Variants in SEC24C observed in about 807,000 individuals in gnomAD.
SEC24C encodes SEC24 homolog C, COPII component, also known as protein transport protein Sec24C.
In SEC24C, 22 loss-of-function variants were observed where a neutral mutation model predicts 117.0. The observed-to-expected ratio is 0.19, with a 90% CI of 0.13 to 0.27. The LOEUF (loss-of-function observed/expected upper bound fraction) is 0.27. Among genes scored for constraint, SEC24C ranks in the 10% least tolerant of loss-of-function variants. SEC24C has a pLI of 1.00. For missense variants in SEC24C, 1,155 were observed against 1,375.1 expected (o/e 0.84, Z 2.53); for synonymous variants, 506 against 529.4 (o/e 0.96, Z 0.61).
chr10:73,767,860 T>C lies in SEC24C; in HGVS notation c.2034T>C (p.Gly678=), dbSNP rs760304318. 9.3e-6 allele frequency: 15 copies of C among 1,612,478 alleles called. 1 individual carries two copies. In the African/African-American group the frequency reaches 1.6e-4, roughly 17 times the overall value. Reference sequence around the variant, plus strand: ...AGACTCTGTTCCAGCCTCAGACAGGTGCCTATCAGACCCTGGCCAAAGAGT... The same window carrying C: ...AGACTCTGTTCCAGCCTCAGACAGGCGCCTATCAGACCCTGGCCAAAGAGT... The part of the protein sequence containing the change: ...KEKTLFQPQT[G]AYQTLAKECV... The change falls in exon 15 of 23, where the codon GGT becomes GGC. Residue 678 remains glycine, a synonymous_variant. Transcript: ENST00000345254.
intron 20 of SEC24C, 41 bp downstream of exon 20, chr10:73,770,056 A>G (rs757580176): frequency 1.3e-6 from 2 of 1,581,648 alleles, no homozygotes; most frequent in Non-Finnish European, 1.7e-6. Flanking sequence ...GCACGGAGCA[A>G]AGGGCCTCTT....
At chr10:73,747,601 C>G (rs1187474789) in intron 2 of SEC24C, among the ~76,000 whole-genome samples, 1 of 151,686 alleles carries the variant, frequency 6.6e-6, no homozygotes, top group Non-Finnish European at 1.5e-5. Flanking sequence ...ATCTGCCCGC[C>G]TCAGCCTCCC....
At position 73,769,923 on chromosome 10, in the gene SEC24C, A is replaced by G; in HGVS notation, c.2770A>G (p.Thr924Ala). The change falls in exon 20 of 23, where the codon ACT (threonine) becomes GCT (alanine). Residue 924 changes from threonine to alanine, a missense_variant. By Grantham distance (58) the Thr-to-Ala change is moderately conservative. Transcript: ENST00000345254. The surrounding 1 kb of genome is among the most constrained non-coding windows in gnomAD (Gnocchi z 4.5). ...SDVLQPGAEVTTDDRAYVRQL... is the reference protein window; with the variant it reads ...SDVLQPGAEVATDDRAYVRQL... ...TGTCCTGCAGCCTGGAGCTGAAGTC[A>G]CTACTGATGACCGTGCCTATGTCCG... is the stretch of plus-strand genomic sequence containing the variant. 1.2e-6 allele frequency: 2 copies of G among 1,614,162 alleles called. No individual in the cohort carries two copies. The highest frequency in any genetic ancestry group is 1.7e-6 in the Non-Finnish European group (2 of 1,180,016).
rs1376609553 is a variant in SEC24C, at chr10:73,768,851, T to C, written c.2223T>C (p.Arg741=). ...AGCGGTTCCTGAGTGACCTGCGTCG[T>C]GATGTCCAGAAGGTTGTTGGCTTTG... The part of the protein sequence containing the change: ...DQERFLSDLR[R]DVQKVVGFDA... Residue 741 remains arginine, a synonymous_variant, in exon 16 of 23, where the codon CGT becomes CGC. Coordinates refer to ENST00000345254, the MANE Select transcript of SEC24C (RefSeq NM_198597.3). The C allele has an allele frequency of 6.2e-7, 1 of 1,614,004 alleles. No individual in the cohort carries two copies. The highest frequency in any genetic ancestry group is 1.7e-5 in the Admixed American group (1 of 60,016).
Position 73,763,976 on chromosome 10 carries a change from C to A in SEC24C, c.1220C>A (p.Pro407Gln). The change falls in exon 8 of 23, where the codon CCA (proline) becomes CAA (glutamine). Residue 407 changes from proline (P) to glutamine (Q), a missense_variant. Around this residue, in one of 2 missense-constraint regions of SEC24C, gnomAD observed 759 missense variants for 992.3 expected, o/e 0.76. Transcript: ENST00000345254. ...ATCAAACCGCTGGCAAGGCTGCCCC[C>A]AGAGGAGGTGAGTCAGGGAAGGGGC... ...AVIKPLARLP[P>Q]EEASPYVVDH... 6.3e-7 allele frequency: 1 copy of A among 1,586,828 alleles called. No individual in the cohort carries two copies. The highest frequency in any genetic ancestry group is 8.6e-7 in the Non-Finnish European group (1 of 1,163,976).
At chr10:73,767,691 G>A in intron 14 of SEC24C, 146 bp from the exon 15 acceptor site, 1 of 561,610 alleles carries the variant, frequency 1.8e-6, no homozygotes, top group Admixed American at 3.8e-5. Flanking sequence ...TAATATAAAA[G>A]AAAATTTTTT....
chr10:73,761,540 C>T (rs761123600), intron 6 of SEC24C, among the ~76,000 whole-genome samples: 1 of 152,170 alleles, frequency 6.6e-6, no homozygotes, highest in Admixed American at 6.5e-5. Flanking sequence ...CCACCTGTAA[C>T]ATTTGCTATG....
At chr10:73,753,455 A>G (rs996148721) in intron 3 of SEC24C, among the ~76,000 whole-genome samples, 2 of 152,170 alleles carry the variant, frequency 1.3e-5, no homozygotes, top group Non-Finnish European at 1.5e-5. Flanking sequence ...AGATTGCTTC[A>G]GCCCAGATTT....
At position 73,760,184 on chromosome 10, in the gene SEC24C, A is replaced by G; in HGVS notation, c.648A>G (p.Pro216=). The G allele has an allele frequency of 6.2e-7, 1 of 1,613,996 alleles. No individual in the cohort carries two copies. The highest frequency in any genetic ancestry group is 8.5e-7 in the Non-Finnish European group (1 of 1,179,956). The change falls in exon 5 of 23, where the codon CCA becomes CCG. Residue 216 remains proline, a synonymous_variant. Coordinates refer to ENST00000345254, the MANE Select transcript of SEC24C (RefSeq NM_198597.3). The part of the protein sequence containing the change: ...APSQASSFTP[P]ASGGPRLPSM... ...CACAGGCCTCCAGCTTCACACCCCC[A>G]GCTTCAGGGGGTCCTCGGCTGCCTT...
Position 73,751,203 on chromosome 10 carries a change from G to C in SEC24C, c.268G>C (p.Asp90His). The C allele has an allele frequency of 6.2e-7, 1 of 1,614,224 alleles. No homozygotes were observed. Among genetic ancestry groups the C allele is most frequent in the Non-Finnish European group, 8.5e-7 (1 of 1,180,032 alleles). ...QAAYGQFGQGDVQNGPSSTVQ... is the reference protein window; with the variant it reads ...QAAYGQFGQGHVQNGPSSTVQ... ...TGCATATGGCCAGTTTGGCCAAGGAGATGTACAGAATGGGCCAAGCTCCAC... is the reference window on the plus strand; with the variant it reads ...TGCATATGGCCAGTTTGGCCAAGGACATGTACAGAATGGGCCAAGCTCCAC... Residue 90 changes from aspartate to histidine, a missense_variant, in exon 3 of 23, where the codon GAT (aspartate) becomes CAT (histidine). By Grantham distance (81) the Asp-to-His change is moderately conservative. Around this residue, in one of 2 missense-constraint regions of SEC24C, gnomAD observed 396 missense variants for 382.8 expected, o/e 1.03. Coordinates refer to ENST00000345254, the MANE Select transcript of SEC24C (RefSeq NM_198597.3).
chr10:73,770,428 G>C lies in SEC24C; in HGVS notation c.3011G>C (p.Ser1004Thr). Residue 1004 changes from serine (S) to threonine (T), a missense_variant, in exon 21 of 23, where the codon AGC becomes ACC. Physicochemically the swap from Ser to Thr is moderately conservative, Grantham distance 58. Around this residue, in one of 2 missense-constraint regions of SEC24C, gnomAD observed 759 missense variants for 992.3 expected, o/e 0.76. Transcript: ENST00000345254. ...GASVQQGVVQSLFSVSSFSQI... is the reference protein window; with the variant it reads ...GASVQQGVVQTLFSVSSFSQI... ...AGCGTCCAACAGGGTGTTGTCCAGA[G>C]CCTTTTCAGCGTCTCCTCCTTCAGT... The C allele has an allele frequency of 6.2e-7, 1 of 1,614,128 alleles. No individual in the cohort carries two copies. Among genetic ancestry groups the C allele is most frequent in the Non-Finnish European group, 8.5e-7 (1 of 1,180,032 alleles).
rs1477856092 is a variant in SEC24C, at chr10:73,760,267, C to T, written c.731C>T (p.Pro244Leu). Residue 244 changes from proline (P) to leucine (L), a missense_variant, in exon 5 of 23, where the codon CCC (proline) becomes CTC (leucine). By Grantham distance (98) the Pro-to-Leu change is moderately conservative. Transcript: ENST00000345254. ...QSFGGPSVSQ[P>L]NHVSSPPQAL... is the part of the protein sequence containing the mutation. Reference sequence around the variant, plus strand: ...TTTGGAGGGCCCTCAGTGAGCCAGCCCAACCATGTGTCTTCACCTCCTCAA... The same window carrying T: ...TTTGGAGGGCCCTCAGTGAGCCAGCTCAACCATGTGTCTTCACCTCCTCAA... The T allele has an allele frequency of 2.5e-6, 4 of 1,614,052 alleles. No homozygotes were observed. The Admixed American group carries it at 5.0e-5, about 20-fold the overall frequency.
Position 73,760,360 on chromosome 10 carries a change from A to G in SEC24C, c.824A>G (p.Gln275Arg). The G allele has an allele frequency of 6.2e-7, 1 of 1,601,310 alleles. No individual in the cohort carries two copies. ...GPLPPMHSPQ[Q>R]PGYQPQQNGS... ...CTGCCACCTATGCACTCCCCGCAGC[A>G]GCCAGGCTATCAGCCCCAACAAAAT... The change falls in exon 5 of 23, where the codon CAG (glutamine) becomes CGG (arginine). Residue 275 changes from glutamine (Q) to arginine (R), a missense_variant. Coordinates refer to ENST00000345254, the MANE Select transcript of SEC24C (RefSeq NM_198597.3).
At chr10:73,758,006 C>T (rs1007473942) in intron 3 of SEC24C, among the ~76,000 whole-genome samples, 4 of 144,004 alleles carry the variant, frequency 2.8e-5, no homozygotes, top group South Asian at 2.2e-4. Flanking sequence ...GAGGTTGAGG[C>T]GGGCGAATCA....
rs1302856347 is a variant in SEC24C, at chr10:73,766,221, C to G, written c.1607+11C>G. On this transcript the variant is annotated intron_variant, in intron 11 of 22. Transcript: ENST00000345254. Reference sequence around the variant, plus strand: ...AGACTTTCTACCTAGGTGAGAGTTACAGAACTGAGGTGTTTCCTGAGGTTA... The same window carrying G: ...AGACTTTCTACCTAGGTGAGAGTTAGAGAACTGAGGTGTTTCCTGAGGTTA... 6.2e-7 allele frequency: 1 copy of G among 1,609,060 alleles called. No individual in the cohort carries two copies. The highest frequency in any genetic ancestry group is 8.5e-7 in the Non-Finnish European group (1 of 1,178,314).
chr10:73,757,827 G>A (rs1171977839), intron 3 of SEC24C, among the ~76,000 whole-genome samples: 1 of 147,638 alleles, frequency 6.8e-6, no homozygotes, highest in African/African-American at 2.5e-5. Flanking sequence ...TTAGGGGGAG[G>A]ATTGCTTGAG....
chr10:73,769,232 A>G lies in SEC24C; in HGVS notation c.2424+80A>G. ...AGAGGGTGAGGAATGGGTAGAGAGCACTAAAAGAAGAGACAGGGCACGGGA... is the reference window on the plus strand; with the variant it reads ...AGAGGGTGAGGAATGGGTAGAGAGCGCTAAAAGAAGAGACAGGGCACGGGA... On this transcript the variant is annotated intron_variant, in intron 17 of 22. Coordinates refer to ENST00000345254, the MANE Select transcript of SEC24C (RefSeq NM_198597.3). The surrounding 1 kb of genome is among the most constrained non-coding windows in gnomAD (Gnocchi z 4.5). 1.3e-6 allele frequency: 2 copies of G among 1,590,828 alleles called. No homozygotes were observed. The highest frequency in any genetic ancestry group is 2.7e-5 in the African/African-American group (2 of 74,472).
intron 3 of SEC24C, among the ~76,000 whole-genome samples, chr10:73,753,102 T>C (rs2082664560): frequency 6.6e-6 from 1 of 152,186 alleles, no homozygotes; most frequent in Non-Finnish European, 1.5e-5. Flanking sequence ...CATGCTAGAA[T>C]GCAGTGGTGT....
chr10:73,769,391 C>T lies in SEC24C; in HGVS notation c.2469C>T (p.Arg823=). 6.2e-7 allele frequency: 1 copy of T among 1,614,182 alleles called. No individual in the cohort carries two copies. Among genetic ancestry groups the T allele is most frequent in the Non-Finnish European group, 8.5e-7 (1 of 1,180,016 alleles). The part of the protein sequence containing the change: ...YTSCAGQRRL[R]IHNLALNCCT... ...GCTGTGCAGGGCAGCGTCGGCTCCG[C>T]ATCCATAATCTGGCCCTGAACTGCT... is the stretch of plus-strand genomic sequence containing the variant. Residue 823 remains arginine (R), a synonymous_variant, in exon 18 of 23, where the codon CGC becomes CGT. Transcript: ENST00000345254. The surrounding 1 kb of genome is among the most constrained non-coding windows in gnomAD (Gnocchi z 4.5).
Sources: allele counts gnomAD v4.1 joint callset (sites outside exome capture counted in the v4.1 genomes callset), GRCh38; gene constraint gnomAD v4.1.1; regional missense constraint gnomAD v4.1.1; non-coding constraint Gnocchi (gnomAD v3.1); transcripts MANE v1.5; gene names NCBI Gene and HGNC (gene_info 2026-07-23, HGNC 2026-07-21).